The following SDHB variants were observed in gnomAD, a reference collection of about 807,000 sequenced individuals.
SDHB encodes succinate dehydrogenase complex iron sulfur subunit B.
In SDHB, 21 loss-of-function variants were observed where a neutral mutation model predicts 39.7. That is an observed-to-expected ratio of 0.53 (90% CI 0.37 to 0.76). The LOEUF (loss-of-function observed/expected upper bound fraction) is 0.76. Ranked by LOEUF, SDHB falls within the 30% of genes least tolerant of loss-of-function variation. The pLI is 0.00. For synonymous variants in SDHB, 118 were observed against 117.0 expected (o/e 1.01, Z -0.06); for missense variants, 343 against 350.9 (o/e 0.98, Z 0.18).
At chr1:17,041,043 T>A (rs1373904875) in intron 2 of SDHB, among the ~76,000 whole-genome samples, 5 of 152,054 alleles carry the variant, frequency 3.3e-5, no homozygotes, top group Admixed American at 1.3e-4. Flanking sequence ...GGTGGGAGAA[T>A]CGCTTGAGCC....
chr1:17,039,556 G>GT (rs1448433570), intron 2 of SDHB, among the ~76,000 whole-genome samples: 2 of 152,088 alleles, frequency 1.3e-5, no homozygotes, highest in African/African-American at 4.8e-5. Flanking sequence ...GCCTGGGAGG[G>GT]TTTAGTGAGC....
At chr1:17,029,296 C>G (rs1016259509) in intron 3 of SDHB, among the ~76,000 whole-genome samples, 1 of 151,422 alleles carries the variant, frequency 6.6e-6, no homozygotes, top group East Asian at 1.9e-4. Flanking sequence ...TTTGTAGAGA[C>G]GAGACTTGCA....
intron 3 of SDHB, among the ~76,000 whole-genome samples, chr1:17,031,454 T>C (rs1038577852): frequency 2.0e-5 from 3 of 152,192 alleles, no homozygotes; most frequent in Admixed American, 6.5e-5. Context: ...TCACACCTTA[T>C]GTTCTTGGTT....
chr1:17,049,644 G>GTTTTTTTTTTT (rs1570960889), intron 1 of SDHB, among the ~76,000 whole-genome samples: 1 of 45,924 alleles, frequency 2.2e-5, no homozygotes, highest in South Asian at 8.6e-4. Flanking sequence ...TAATCCCCTA[G>GTTTTTTTTTTT]TTCTTTTTTT....
intron 2 of SDHB, among the ~76,000 whole-genome samples, chr1:17,039,681 T>G (rs1368662511): frequency 6.6e-6 from 1 of 152,216 alleles, no homozygotes; most frequent in Non-Finnish European, 1.5e-5. Context: ...TAACTCTTTA[T>G]ACCTGTTTAG....
At chr1:17,022,493 C>T (rs541960926) in intron 7 of SDHB, 115 bp downstream of exon 7, 5 of 1,412,122 alleles carry the variant, frequency 3.5e-6, no homozygotes, top group East Asian at 2.3e-5. Flanking sequence ...ATATGCTGGT[C>T]CCTTTCCTTC....
chr1:17,025,560 C>G (rs58499652), intron 5 of SDHB, among the ~76,000 whole-genome samples: 22,608 of 152,016 alleles, frequency 0.15, 2,499 homozygotes, highest in African/African-American at 0.31. Flanking sequence ...TAGGTGCATA[C>G]CACCATGCCT....
chr1:17,024,243 T>C (rs1255857382), intron 5 of SDHB, among the ~76,000 whole-genome samples, 169 bp from the exon 6 acceptor site: 1 of 152,228 alleles, frequency 6.6e-6, no homozygotes, highest in African/African-American at 2.4e-5. Context: ...AGCAGATTAA[T>C]AAAGATCTTG....
At chr1:17,051,540 G>T (rs1014886657) in intron 1 of SDHB, among the ~76,000 whole-genome samples, 10 of 152,184 alleles carry the variant, frequency 6.6e-5, no homozygotes, top group Non-Finnish European at 7.3e-5. Flanking sequence ...AATACAAGGT[G>T]CAGGCTTGCT....
At chr1:17,031,435 C>A (rs1387313515) in intron 3 of SDHB, among the ~76,000 whole-genome samples, 4 of 151,702 alleles carry the variant, frequency 2.6e-5, no homozygotes, top group Non-Finnish European at 4.4e-5. Context: ...TTTTTTTAGT[C>A]CAGATGGGTC....
chr1:17,029,366 G>A (rs1247795161), intron 3 of SDHB, among the ~76,000 whole-genome samples: 3 of 151,532 alleles, frequency 2.0e-5, no homozygotes, highest in African/African-American at 7.3e-5. Flanking sequence ...CAAGTAATCT[G>A]CCTGCCTTGG....
chr1:17,028,723 A>G lies in SDHB; in HGVS notation c.300T>C (p.Ser100=), dbSNP rs11541235. 1.4e-3 allele frequency: 2,199 copies of G among 1,614,126 alleles called. 8 individuals carry two copies. Among genetic ancestry groups the G allele is most frequent in the Middle Eastern group, 1.3e-3 (8 of 6,062 alleles). Reference sequence around the variant, plus strand: ...TGCCTCCATTGATGTTCATTGCACAAGAGCCACAGATGCCTGAAAGAGACA... The same window carrying G: ...TGCCTCCATTGATGTTCATTGCACAGGAGCCACAGATGCCTGAAAGAGACA... ...RRSCREGICG[S]CAMNINGGNT... Residue 100 remains serine, a synonymous_variant, in exon 4 of 8, where the codon TCT becomes TCC. Coordinates refer to ENST00000375499, the MANE Select transcript of SDHB (RefSeq NM_003000.3).
At position 17,027,771 on chromosome 1, in the gene SDHB, G is replaced by T; in HGVS notation, c.518C>A (p.Ser173Tyr). 6.2e-7 allele frequency: 1 copy of T among 1,603,206 alleles called. No homozygotes were observed. Among genetic ancestry groups the T allele is most frequent in the Non-Finnish European group, 8.5e-7 (1 of 1,170,126 alleles). Reference sequence around the variant, plus strand: ...GACCAGTTTCTCACGCTCTTCTATGGACTGCAGATACTGCTGCTTGCCTTC... The same window carrying T: ...GACCAGTTTCTCACGCTCTTCTATGTACTGCAGATACTGCTGCTTGCCTTC... ...SQEGKQQYLQ[S>Y]IEEREKLDGL... The change falls in exon 5 of 8, where the codon TCC (serine) becomes TAC (tyrosine). Residue 173 changes from serine to tyrosine, a missense_variant. Physicochemically the swap from Ser to Tyr is moderately radical, Grantham distance 144. Coordinates refer to ENST00000375499, the MANE Select transcript of SDHB (RefSeq NM_003000.3).
At chr1:17,040,172 G>A (rs374286382) in intron 2 of SDHB, among the ~76,000 whole-genome samples, 2 of 152,246 alleles carry the variant, frequency 1.3e-5, no homozygotes, top group Middle Eastern at 6.8e-3. Flanking sequence ...CTGATGAGAA[G>A]TCAGCAATTT....
intron 5 of SDHB, among the ~76,000 whole-genome samples, 166 bp from the exon 6 acceptor site, chr1:17,024,240 TAA>T (rs577980449): frequency 2.6e-5 from 4 of 152,206 alleles, no homozygotes; most frequent in Non-Finnish European, 4.4e-5. Context: ...TTTAGCAGAT[TAA>T]TAAAGATCTT....
intron 1 of SDHB, among the ~76,000 whole-genome samples, chr1:17,053,665 G>A (rs1165003219): frequency 6.6e-6 from 1 of 151,644 alleles, no homozygotes; most frequent in African/African-American, 2.4e-5. Flanking sequence ...CGCTTGCCAT[G>A]TGACCTTGAG....
Position 17,024,027 on chromosome 1 carries a change from G to A in SDHB, c.588C>T (p.Cys196=), listed in dbSNP as rs1060505015. 2 of 1,613,994 alleles carry A rather than the reference G, an allele frequency of 1.2e-6. No individual in the cohort carries two copies. The highest frequency in any genetic ancestry group is 1.1e-5 in the South Asian group (1 of 91,088). Residue 196 remains cysteine (C), a synonymous_variant, in exon 6 of 8, where the codon TGC becomes TGT. Transcript: ENST00000375499. ...TGTCTCCGTTCCACCAGTAGCTGGG[G>A]CAGCTGGTGCTACAGCAGGCACAGA... is the stretch of plus-strand genomic sequence containing the variant. The part of the protein sequence containing the change: ...CILCACCSTS[C]PSYWWNGDKY...
At chr1:17,019,352 G>A (rs906304676) in intron 7 of SDHB, among the ~76,000 whole-genome samples, 5 of 152,182 alleles carry the variant, frequency 3.3e-5, no homozygotes, top group African/African-American at 1.2e-4. Flanking sequence ...TAAATAGGCA[G>A]CAGCAGAAAT....
chr1:17,036,376 T>G (rs2078050304), intron 2 of SDHB, among the ~76,000 whole-genome samples: 2 of 152,138 alleles, frequency 1.3e-5, no homozygotes, highest in African/African-American at 2.4e-5. Context: ...AGTGTTGTGA[T>G]CACAGCTCAC....
Sources: gnomAD v4.1 joint callset for allele counts (sites outside exome capture counted in the v4.1 genomes callset) on GRCh38, gnomAD v4.1.1 for gene constraint, MANE v1.5 for transcripts, NCBI Gene and HGNC (gene_info 2026-07-23, HGNC 2026-07-21) for gene names.